Variants in EPB41L3 observed in about 807,000 individuals in gnomAD.
EPB41L3 encodes the protein band 4.1-like protein 3.
Under a neutral mutation model 127.1 loss-of-function variants are expected in EPB41L3, and 57 were observed. That is an observed-to-expected ratio of 0.45 (90% CI 0.36 to 0.56). The LOEUF (loss-of-function observed/expected upper bound fraction) is 0.56. Ranked by LOEUF, EPB41L3 falls within the 20% of genes least tolerant of loss-of-function variation. The pLI, the probability that EPB41L3 is intolerant of heterozygous loss-of-function variation, is 0.00. For missense variants in EPB41L3, 1,273 were observed against 1,372.2 expected (o/e 0.93, Z 1.14); for synonymous variants, 572 against 549.5 (o/e 1.04, Z -0.57).
At chr18:5,443,943 T>C (rs1172345753) in intron 4 of EPB41L3, 63 bp from the exon 5 acceptor site, 1 of 1,412,988 alleles carries the variant, frequency 7.1e-7, no homozygotes, top group Non-Finnish European at 9.9e-7. Flanking sequence ...TAATGTTGAT[T>C]AGGTACAGAC....
At chr18:5,511,329 A>C (rs2092499949) in intron 1 of EPB41L3, among the ~76,000 whole-genome samples, 1 of 150,114 alleles carries the variant, frequency 6.7e-6, no homozygotes, top group Non-Finnish European at 1.5e-5. Context: ...TTGAAGAAGC[A>C]AGCAGAGATG....
At chr18:5,532,314 C>G (rs1568516554) in intron 1 of EPB41L3, among the ~76,000 whole-genome samples, 1 of 152,190 alleles carries the variant, frequency 6.6e-6, no homozygotes, top group Non-Finnish European at 1.5e-5. Context: ...TTGTTCACCA[C>G]TGTAACCCCA....
At chr18:5,550,493 G>C (rs1411761066) in intron 3 of EPB41L3, among the ~76,000 whole-genome samples, 1 of 152,008 alleles carries the variant, frequency 6.6e-6, no homozygotes, top group Admixed American at 6.6e-5. Flanking sequence ...ACTTAAATCT[G>C]GTTTTACATC....
upstream of EPB41L3, among the ~76,000 whole-genome samples, chr18:5,548,363 G>A (rs149540943): frequency 2.9e-4 from 44 of 152,274 alleles, no homozygotes; most frequent in Admixed American, 2.6e-3. Context: ...CATTTCAGGG[G>A]TCTGTCTACA....
At chr18:5,544,016 G>T, upstream of EPB41L3, 1 of 985,326 alleles carries the variant, frequency 1.0e-6, no homozygotes, top group Non-Finnish European at 1.2e-6. Flanking sequence ...GGAGGAAGCC[G>T]CAGCCCAGGG....
intron 1 of EPB41L3, among the ~76,000 whole-genome samples, chr18:5,523,050 G>A (rs373034825): frequency 6.6e-6 from 1 of 152,034 alleles, no homozygotes; most frequent in African/African-American, 2.4e-5. Context: ...AGTATCAAAC[G>A]CATCACAAGT....
rs751612354 is a variant in EPB41L3, at chr18:5,406,833, G to T, written c.2293C>A (p.Arg765=). 11 of 1,614,054 alleles carry T rather than the reference G, an allele frequency of 6.8e-6. No individual in the cohort carries two copies. The highest frequency in any genetic ancestry group is 9.3e-6 in the Non-Finnish European group (11 of 1,180,022). ...GCATCCTCCTGCCTGGCGGCCAGTC[G>T]CACGGGGGAGGTGGAAAGCCTCTTC... ...WEKRLSTSPV[R]LAARQEDAPM... is the part of the protein sequence containing the mutation. The change falls in exon 16 of 23, where the codon CGA becomes AGA. Residue 765 remains arginine (R), a synonymous_variant. Transcript: ENST00000341928.
chr18:5,408,304 C>T (rs2075758029), intron 14 of EPB41L3, among the ~76,000 whole-genome samples: 1 of 137,396 alleles, frequency 7.3e-6, no homozygotes, highest in Non-Finnish European at 1.5e-5. Context: ...GACAGAGTCT[C>T]GCTTTGTTGT....
chr18:5,441,527 G>A (rs527901895), intron 5 of EPB41L3, among the ~76,000 whole-genome samples: 45 of 150,192 alleles, frequency 3.0e-4, no homozygotes, highest in African/African-American at 1.1e-3. Context: ...GCGCAGTGGC[G>A]CGATCTCGAC....
rs546817308 is a variant in EPB41L3, at chr18:5,404,693, A to C, written c.2349+2084T>G. ...CCTTGTTTATCAGCACCACCCTTTAAATTCTCTAAGTTGTTCCCTAAACTT... is the reference window on the plus strand; with the variant it reads ...CCTTGTTTATCAGCACCACCCTTTACATTCTCTAAGTTGTTCCCTAAACTT... On this transcript the variant is annotated intron_variant, in intron 16 of 22. Coordinates refer to ENST00000341928, the MANE Select transcript of EPB41L3 (RefSeq NM_012307.5). Among the ~76,000 whole-genome samples, 7 of 152,296 alleles carry C rather than the reference A, an allele frequency of 4.6e-5. No homozygotes were observed. The South Asian group carries it at 1.5e-3, about 32-fold the overall frequency.
chr18:5,555,632 T>G (rs2094023220), intron 3 of EPB41L3, among the ~76,000 whole-genome samples: 1 of 152,170 alleles, frequency 6.6e-6, no homozygotes, highest in Admixed American at 6.6e-5. Context: ...CCCTTTGTAC[T>G]TCACCTTAAA....
At chr18:5,423,624 A>C (rs1365488969) in intron 10 of EPB41L3, 71 bp from the exon 11 acceptor site, 49 of 1,395,252 alleles carry the variant, frequency 3.5e-5, no homozygotes, top group Non-Finnish European at 4.6e-5. Flanking sequence ...TAAACTTTTT[A>C]CTCTGAGAGG....
intron 1 of EPB41L3, among the ~76,000 whole-genome samples, chr18:5,513,202 C>A (rs180676284): frequency 3.6e-4 from 55 of 152,300 alleles, no homozygotes; most frequent in Non-Finnish European, 6.3e-4. Flanking sequence ...TGCCAAACAA[C>A]AGTGCACACA....
chr18:5,547,570 C>G (rs1311932361), upstream of EPB41L3, among the ~76,000 whole-genome samples: 2 of 152,138 alleles, frequency 1.3e-5, no homozygotes, highest in Non-Finnish European at 2.9e-5. Context: ...TATTTATGGA[C>G]TTCCTGAAAT....
intron 1 of EPB41L3, among the ~76,000 whole-genome samples, chr18:5,515,537 C>A (rs1445880032): frequency 6.7e-6 from 1 of 150,266 alleles, no homozygotes; most frequent in Non-Finnish European, 1.5e-5. Flanking sequence ...CCAGTTACAA[C>A]AACTCTCTTG....
intron 3 of EPB41L3, among the ~76,000 whole-genome samples, chr18:5,473,645 T>A (rs1050087370): frequency 3.3e-5 from 5 of 151,814 alleles, no homozygotes. Context: ...ATAAATGAGA[T>A]GAGTGAGAGG....
chr18:5,488,109 CT>C (rs2090074610), intron 2 of EPB41L3, among the ~76,000 whole-genome samples: 1 of 152,018 alleles, frequency 6.6e-6, no homozygotes, highest in Non-Finnish European at 1.5e-5. Flanking sequence ...TACTTTAAAA[CT>C]TTTAAAAGTA....
intron 8 of EPB41L3, among the ~76,000 whole-genome samples, chr18:5,431,785 A>C (rs1432464667): frequency 6.6e-6 from 1 of 152,110 alleles, no homozygotes; most frequent in Non-Finnish European, 1.5e-5. Context: ...TTAGGGGGAA[A>C]CACTAAGAGA....
chr18:5,457,291 G>T (rs974965969), intron 3 of EPB41L3, among the ~76,000 whole-genome samples: 4 of 152,064 alleles, frequency 2.6e-5, no homozygotes, highest in African/African-American at 7.2e-5. Context: ...TTGTGATAAA[G>T]CAATTGTCTT....
Sources: gnomAD v4.1 joint callset for allele counts (sites outside exome capture counted in the v4.1 genomes callset) on GRCh38, gnomAD v4.1.1 for gene constraint, MANE v1.5 for transcripts, NCBI Gene and HGNC (gene_info 2026-07-23, HGNC 2026-07-21) for gene names.